The following ACLY variants were observed in gnomAD, a reference collection of about 807,000 sequenced individuals.
ACLY encodes the protein ATP-citrate synthase.
Under a neutral mutation model 133.0 loss-of-function variants are expected in ACLY, and 41 were observed. That is an observed-to-expected ratio of 0.31 (90% confidence interval 0.24 to 0.40). The LOEUF (loss-of-function observed/expected upper bound fraction) is 0.40. Among genes scored for constraint, ACLY ranks in the 10% least tolerant of loss-of-function variants. The probability of loss-of-function intolerance (pLI) is 1.00; values close to 1 mark genes in which losing one functional copy is unlikely to be tolerated. For synonymous variants in ACLY, 495 were observed against 549.3 expected (o/e 0.90, Z 1.38); for missense variants, 1,046 against 1,453.8 (o/e 0.72, Z 4.56).
chr17:41,903,882 G>C (rs563261004), intron 10 of ACLY, among the ~76,000 whole-genome samples: 1 of 151,454 alleles, frequency 6.6e-6, no homozygotes, highest in South Asian at 2.1e-4. Flanking sequence ...CACTTTGGTA[G>C]GCTAAGGCGG....
chr17:41,908,336 G>C lies in ACLY; in HGVS notation c.616+653C>G, dbSNP rs2049788115. 2.0e-5 allele frequency among the ~76,000 whole-genome samples: 3 copies of C among 152,354 alleles called. No homozygotes were observed. In the South Asian group the frequency reaches 6.2e-4, roughly 32 times the overall value. On this transcript the variant is annotated intron_variant, in intron 6 of 28. Coordinates refer to ENST00000352035, the MANE Select transcript of ACLY (RefSeq NM_001096.3). ...TGATTGACCAACTCCCACAGAGGGA[G>C]GCAAGTGTGAGGCCTCTGAGTGTAC...
chr17:41,898,493 A>T, intron 12 of ACLY, 138 bp downstream of exon 12: 2 of 1,175,612 alleles, frequency 1.7e-6, no homozygotes, highest in Non-Finnish European at 2.3e-6. Flanking sequence ...AAAAATTGGC[A>T]GAGATCCACA....
Position 41,875,406 on chromosome 17 carries a change from C to CCTCCCTCTCCCTCTCCCCACGGT in ACLY, c.2488-1464_2488-1442dup, listed in dbSNP as rs1436429644. 9.5e-3 allele frequency among the ~76,000 whole-genome samples: 1,352 copies of CCTCCCTCTCCCTCTCCCCACGGT among 143,012 alleles called. 95 individuals carry two copies. The highest frequency in any genetic ancestry group is 0.032 in the East Asian group (145 of 4,602). 93.8% of individuals were successfully genotyped at this position (143,012 alleles called of 152,430 possible). A position where few individuals can be genotyped will look rare whatever the true frequency, so the allele number is the denominator to read the frequency against. The stretch of plus-strand genomic sequence containing the variant: ...GTGGCTAAAGAAATGGGGGAGCCCC[C>CCTCCCTCTCCCTCTCCCCACGGT]CTCCCTCTCCCTCTCCCCACGGTCT... On this transcript the variant is annotated intron_variant, in intron 22 of 28. Coordinates refer to ENST00000352035, the MANE Select transcript of ACLY (RefSeq NM_001096.3).
intron 22 of ACLY, among the ~76,000 whole-genome samples, chr17:41,876,245 G>A (rs1342473678): frequency 2.6e-5 from 4 of 151,240 alleles, no homozygotes; most frequent in Non-Finnish European, 5.9e-5. Flanking sequence ...AGGGAGATGG[G>A]GGTCAGCCCC....
chr17:41,892,686 TTTTC>T (rs1338324786), intron 15 of ACLY, among the ~76,000 whole-genome samples: 3 of 151,926 alleles, frequency 2.0e-5, no homozygotes, highest in African/African-American at 7.3e-5. Context: ...TGCCTTTTTT[TTTTC>T]TTTTGAGACA....
At chr17:41,916,207 AGAGACGGGAGGTT>A (rs782365340) in intron 1 of ACLY, among the ~76,000 whole-genome samples, 1 of 152,212 alleles carries the variant, frequency 6.6e-6, no homozygotes, top group Non-Finnish European at 1.5e-5. Flanking sequence ...ATTCTGGCTT[AGAGACGGGAGGTT>A]GAGACAAGGA....
intron 3 of ACLY, among the ~76,000 whole-genome samples, chr17:41,910,563 G>T (rs2049872321): frequency 6.6e-6 from 1 of 152,256 alleles, no homozygotes; most frequent in Non-Finnish European, 1.5e-5. Context: ...CTGCGCAAGT[G>T]AAAGGGCTCC....
chr17:41,868,372 A>G (rs2048514198), intron 28 of ACLY, among the ~76,000 whole-genome samples: 2 of 141,248 alleles, frequency 1.4e-5, no homozygotes, highest in Non-Finnish European at 3.0e-5. Flanking sequence ...CGGGAGGCAG[A>G]GGTTGCAGTG....
chr17:41,928,912 C>A lies in ACLY; in HGVS notation c.-28+1446G>T, dbSNP rs76162894. Among the ~76,000 whole-genome samples, 866 of 149,442 alleles carry A rather than the reference C, an allele frequency of 5.8e-3. 3 individuals carry two copies. The highest frequency in any genetic ancestry group is 9.7e-3 in the Non-Finnish European group (654 of 67,494). ...TTGGAACTGCACTGAATCTGTAGAT[C>A]TCTTCCTTGCAGGAGGTTTTTTTCT... On this transcript the variant is annotated intron_variant, in intron 1 of 3. Coordinates refer to the ACLY transcript ENST00000592970.
Position 41,907,587 on chromosome 17 carries a change from G to A in ACLY, c.617-15C>T. On this transcript the variant is annotated splice_polypyrimidine_tract_variant and intron_variant, in intron 6 of 28. Coordinates refer to ENST00000352035, the MANE Select transcript of ACLY (RefSeq NM_001096.3). ...TTTGGTCACTACTTCAAGGGGAGCA[G>A]AGGCAATCATCAGACACCGGCTCTG... 1.2e-6 allele frequency: 2 copies of A among 1,611,752 alleles called. No homozygotes were observed. Among genetic ancestry groups the A allele is most frequent in the South Asian group, 1.1e-5 (1 of 91,038 alleles).
Position 41,868,795 on chromosome 17 carries a change from A to C in ACLY, c.3135-10T>G, listed in dbSNP as rs1555624485. The C allele has an allele frequency of 6.2e-7, 1 of 1,613,590 alleles. No individual in the cohort carries two copies. Among genetic ancestry groups the C allele is most frequent in the South Asian group, 1.1e-5 (1 of 91,028 alleles). On this transcript the variant is annotated splice_polypyrimidine_tract_variant and intron_variant, in intron 27 of 28. Transcript: ENST00000352035. ...TTCATCAGCTTCCTCCCTGCAACAC[A>C]CATCAACTTGTAGTTTTAAAAGGCT...
At chr17:41,920,914 T>C (rs782064776), upstream of ACLY, among the ~76,000 whole-genome samples, 18 of 151,890 alleles carry the variant, frequency 1.2e-4, no homozygotes, top group Non-Finnish European at 2.1e-4. Flanking sequence ...TACAAAAAAT[T>C]AGCTGGGCGT....
chr17:41,878,326 G>A (rs2048815599), intron 21 of ACLY, 130 bp from the exon 22 acceptor site: 2 of 575,444 alleles, frequency 3.5e-6, no homozygotes, highest in Admixed American at 7.6e-5. Context: ...GCTGAATTCT[G>A]AGAACTAAAT....
rs71228789 is a variant in ACLY, at chr17:41,867,364, T to TA, written c.*445dup. On this transcript the variant is annotated 3_prime_UTR_variant, in exon 29 of 29. Transcript: ENST00000352035. ...TTATATAAGGAAGAAGAAAGGGAAG[T>TA]AAAAAAAAAAAAAGAGAGACATTGG... is the stretch of plus-strand genomic sequence containing the variant. The TA allele has an allele frequency of 0.19, 25,922 of 138,156 alleles. 2,283 individuals are homozygous for TA. Among genetic ancestry groups the TA allele is most frequent in the African/African-American group, 0.2 (7,438 of 37,454 alleles). 8.6% of individuals were successfully genotyped at this position (138,156 alleles called of 1,614,324 possible).
At chr17:41,916,611 G>A (rs531095142) in intron 1 of ACLY, among the ~76,000 whole-genome samples, 142 of 150,944 alleles carry the variant, frequency 9.4e-4, no homozygotes, top group Non-Finnish European at 7.1e-4. Context: ...TCCTGACCTC[G>A]TGATCCACCC....
intron 12 of ACLY, 99 bp downstream of exon 12, chr17:41,898,532 T>C: frequency 7.5e-6 from 11 of 1,460,034 alleles, no homozygotes; most frequent in Non-Finnish European, 1.8e-6. Flanking sequence ...TCCCGCTGTA[T>C]TTCCTCTATG....
chr17:41,911,337 G>A (rs1555633613), intron 3 of ACLY, among the ~76,000 whole-genome samples: 1 of 152,190 alleles, frequency 6.6e-6, no homozygotes, highest in African/African-American at 2.4e-5. Flanking sequence ...AGAGCCAGGT[G>A]TGGATGGCAC....
At position 41,887,707 on chromosome 17, in the gene ACLY, G is replaced by A; in HGVS notation, c.1771-4C>T. Reference sequence around the variant, plus strand: ...CTATGATGGCGATGGTCCGGATCTAGAGGATGACAAAAGTCCCTTCCTGTT... The same window carrying A: ...CTATGATGGCGATGGTCCGGATCTAAAGGATGACAAAAGTCCCTTCCTGTT... On this transcript the variant is annotated splice_polypyrimidine_tract_variant and splice_region_variant and intron_variant, in intron 16 of 28. Coordinates refer to ENST00000352035, the MANE Select transcript of ACLY (RefSeq NM_001096.3). The A allele has an allele frequency of 6.2e-7, 1 of 1,613,276 alleles. No homozygotes were observed. The highest frequency in any genetic ancestry group is 2.2e-5 in the East Asian group (1 of 44,852).
chr17:41,886,425 C>G, intron 17 of ACLY, 117 bp from the exon 18 acceptor site: 1 of 1,053,126 alleles, frequency 9.5e-7, no homozygotes, highest in Non-Finnish European at 1.4e-6. Flanking sequence ...GAGAGAATGA[C>G]CAAGAGAAAT....
Sources: gnomAD v4.1 joint callset for allele counts (sites outside exome capture counted in the v4.1 genomes callset) on GRCh38, gnomAD v4.1.1 for gene constraint, MANE v1.5 for transcripts, NCBI Gene and HGNC (gene_info 2026-07-23, HGNC 2026-07-21) for gene names.